The following TSPEAR variants were observed in gnomAD, a reference collection of about 807,000 sequenced individuals.
TSPEAR encodes thrombospondin type laminin G domain and EAR repeats, also known as thrombospondin-type laminin G domain and EAR repeat-containing protein.
TSPEAR carries 69 observed loss-of-function variants against 71.6 expected under a neutral mutation model. The observed-to-expected ratio is 0.96, with a 90% CI of 0.79 to 1.18. The LOEUF (loss-of-function observed/expected upper bound fraction) is 1.18. TSPEAR is among the 50% of genes most tolerant of loss of function. TSPEAR has a pLI of 0.00. For missense variants in TSPEAR, 971 were observed against 894.9 expected (o/e 1.09, Z -1.09); for synonymous variants, 402 against 387.2 (o/e 1.04, Z -0.45).
intron 1 of TSPEAR, chr21:44,654,401 C>T: frequency 1.2e-6 from 2 of 1,614,156 alleles, no homozygotes; most frequent in South Asian, 1.1e-5. Flanking sequence ...CTCACAGGCA[C>T]ACAGCAGGCC....
At chr21:44,602,275 C>A (rs915972235) in intron 1 of TSPEAR, 10 of 165,526 alleles carry the variant, frequency 6.0e-5, no homozygotes, top group Non-Finnish European at 1.2e-4. Flanking sequence ...AGGTCCCTGT[C>A]CTTCCCAGGC....
chr21:44,539,683 G>A (rs200601094), intron 2 of TSPEAR: 21 of 1,595,382 alleles, frequency 1.3e-5, no homozygotes, highest in Non-Finnish European at 1.8e-5. Flanking sequence ...AATCCTCAGA[G>A]CAGGTGGGCA....
At position 44,540,253 on chromosome 21, in the gene TSPEAR, G is replaced by T. The variant is rs587654826; in HGVS notation, c.304-6330C>A. 2,883 of 1,535,626 alleles carry T rather than the reference G, an allele frequency of 1.9e-3. 8 individuals carry two copies. The highest frequency in any genetic ancestry group is 2.3e-3 in the Non-Finnish European group (2,598 of 1,133,076). The stretch of plus-strand genomic sequence containing the variant: ...GTGTGTGAGTGAGTGTGTGAGCTTC[G>T]TGGGGCTCTGCTTTTATACCCCTTC... On this transcript the variant is annotated intron_variant, in intron 2 of 11. Coordinates refer to ENST00000323084, the MANE Select transcript of TSPEAR (RefSeq NM_144991.3).
At chr21:44,507,955 TTATTA>T (rs1203444883) in intron 10 of TSPEAR, 4 of 152,208 alleles carry the variant, frequency 2.6e-5, no homozygotes, top group Admixed American at 2.0e-4. Context: ...CTCTTTTTCT[TTATTA>T]TGAGTGTTCT....
intron 1 of TSPEAR, chr21:44,600,784 C>T: frequency 1.3e-6 from 2 of 1,595,864 alleles, no homozygotes; most frequent in Non-Finnish European, 1.7e-6. Flanking sequence ...CTGCCTGAGC[C>T]TGGTCTGCAC....
At chr21:44,628,007 C>G (rs1420837019) in intron 1 of TSPEAR, 1 of 1,611,172 alleles carries the variant, frequency 6.2e-7, no homozygotes, top group Non-Finnish European at 8.5e-7. Context: ...TGCTCCCGCC[C>G]GGCCTGCTAC....
chr21:44,701,585 A>AGGGG (rs1491319149), intron 1 of TSPEAR, among the ~76,000 whole-genome samples: 2 of 152,222 alleles, frequency 1.3e-5, no homozygotes, highest in Admixed American at 1.3e-4. Context: ...GATGGGAGAC[A>AGGGG]GGGGCAGACC....
intron 2 of TSPEAR, chr21:44,539,177 G>A (rs1180604039): frequency 3.4e-6 from 5 of 1,459,366 alleles, no homozygotes; most frequent in Middle Eastern, 2.5e-4. Context: ...GGTCACCTCA[G>A]CACAGGGGAG....
Position 44,636,448 on chromosome 21 carries a change from G to A in TSPEAR, c.83-68443C>T, listed in dbSNP as rs375684780. On this transcript the variant is annotated intron_variant, in intron 1 of 11. Transcript: ENST00000323084. ...TCTCTCATCCAGCCCTTCAGTGAGC[G>A]TGGCCTGGGACAGTCACTCTGATCC... Among the ~76,000 whole-genome samples, 38 of 152,294 alleles carry A rather than the reference G, an allele frequency of 2.5e-4. No individual in the cohort carries two copies. The South Asian group carries it at 5.6e-3, about 22-fold the overall frequency.
At chr21:44,656,309 C>T (rs1307423562) in intron 1 of TSPEAR, among the ~76,000 whole-genome samples, 2 of 152,238 alleles carry the variant, frequency 1.3e-5, no homozygotes, top group African/African-American at 2.4e-5. Context: ...CACCTGGCCT[C>T]GTCCTAGTCA....
In TSPEAR at chr21:44,654,268, C is replaced by G. The variant is rs782113818; in HGVS notation, c.82+57165G>C. The G allele has an allele frequency of 1.1e-5, 18 of 1,611,842 alleles. No homozygotes were observed. The East Asian group carries it at 3.6e-4, about 32-fold the overall frequency. On this transcript the variant is annotated intron_variant, in intron 1 of 11. Transcript: ENST00000323084. ...TCGCACCTACGAGGGTCATAGGAGG[C>G]CACCTGCTCAGCAGCCAGTGGGGGT...
At chr21:44,501,900 A>G (rs2052039539) in intron 11 of TSPEAR, among the ~76,000 whole-genome samples, 1 of 152,250 alleles carries the variant, frequency 6.6e-6, no homozygotes, top group African/African-American at 2.4e-5. Context: ...CCACAGGTGC[A>G]GTTAGAAAGC....
chr21:44,530,841 G>A (rs1378301772), intron 4 of TSPEAR, among the ~76,000 whole-genome samples: 1 of 152,236 alleles, frequency 6.6e-6, no homozygotes, highest in Non-Finnish European at 1.5e-5. Context: ...CCGTTGGGCA[G>A]GGACCCAAGA....
intron 9 of TSPEAR, 86 bp downstream of exon 9, chr21:44,521,797 C>G (rs1555914288): frequency 7.5e-7 from 1 of 1,332,160 alleles, no homozygotes; most frequent in East Asian, 2.3e-5. Flanking sequence ...CGGTGGACCC[C>G]CAGCCCACAT....
At chr21:44,578,811 G>A (rs1223010782) in intron 1 of TSPEAR, among the ~76,000 whole-genome samples, 2 of 152,170 alleles carry the variant, frequency 1.3e-5, no homozygotes. Flanking sequence ...GTCCACCTGT[G>A]CCCTCCAGTG....
intron 1 of TSPEAR, among the ~76,000 whole-genome samples, chr21:44,572,860 C>T (rs1384751854): frequency 6.6e-6 from 1 of 150,976 alleles, no homozygotes; most frequent in African/African-American, 2.4e-5. Context: ...CACACACACA[C>T]ACACACACAC....
chr21:44,675,199 C>T (rs1449016632), intron 1 of TSPEAR, among the ~76,000 whole-genome samples: 1 of 152,140 alleles, frequency 6.6e-6, no homozygotes, highest in Non-Finnish European at 1.5e-5. Context: ...AAACTGAATC[C>T]AGCAGCCCAT....
At chr21:44,685,314 A>C (rs1986805479) in intron 1 of TSPEAR, among the ~76,000 whole-genome samples, 1 of 152,056 alleles carries the variant, frequency 6.6e-6, no homozygotes, top group Admixed American at 6.5e-5. Flanking sequence ...GCTGTGGCCA[A>C]TCCATCGAGA....
In TSPEAR at chr21:44,518,871, T is replaced by C. The variant is rs1472865480; in HGVS notation, c.1566+3012A>G. 3 of 358,058 alleles carry C rather than the reference T, an allele frequency of 8.4e-6. No individual in the cohort carries two copies. The East Asian group carries it at 2.3e-4, about 27-fold the overall frequency. The allele number at this position is 358,058 out of a possible 1,614,324, so 22.2% of individuals were successfully genotyped here. On this transcript the variant is annotated intron_variant, in intron 9 of 11. Transcript: ENST00000323084. ...CTGGGGCCAGCAGGGCGCACGTTCA[T>C]GTCAGGGCACCAGTATGATCCTGAT...
Sources: allele counts gnomAD v4.1 joint callset (sites outside exome capture counted in the v4.1 genomes callset), GRCh38; gene constraint gnomAD v4.1.1; transcripts MANE v1.5; gene names NCBI Gene and HGNC (gene_info 2026-07-23, HGNC 2026-07-21).